DTNB: variants seen among roughly 807,000 people sequenced by gnomAD.
The protein encoded by DTNB is dystrobrevin beta, also known as DTN-B.
In DTNB, 63 loss-of-function variants were observed where a neutral mutation model predicts 90.7. The observed-to-expected ratio is 0.69, with a 90% CI of 0.57 to 0.86. The LOEUF (loss-of-function observed/expected upper bound fraction) is 0.86. Among genes scored for constraint, DTNB ranks in the 40% least tolerant of loss-of-function variants. DTNB has a pLI of 0.00. For synonymous variants in DTNB, 277 were observed against 286.7 expected (o/e 0.97, Z 0.34); for missense variants, 744 against 807.1 (o/e 0.92, Z 0.95).
intron 15 of DTNB, among the ~76,000 whole-genome samples, chr2:25,420,469 T>C (rs1403409348): frequency 2.6e-5 from 1 of 38,954 alleles, no homozygotes; most frequent in African/African-American, 7.9e-5. Flanking sequence ...TCTAAATCAA[T>C]CTATCTATCT....
At chr2:25,459,873 C>T (rs975809625) in intron 10 of DTNB, among the ~76,000 whole-genome samples, 1 of 151,918 alleles carries the variant, frequency 6.6e-6, no homozygotes, top group Non-Finnish European at 1.5e-5. Flanking sequence ...GTTGGGAGGA[C>T]GAGGTGGGAG....
At chr2:25,495,666 T>C (rs983998380) in intron 9 of DTNB, among the ~76,000 whole-genome samples, 56 of 152,314 alleles carry the variant, frequency 3.7e-4, no homozygotes, top group African/African-American at 1.3e-3. Flanking sequence ...CTCTATGTAA[T>C]GGACCAACCA....
At chr2:25,386,811 G>A (rs145593935) in intron 18 of DTNB, among the ~76,000 whole-genome samples, 11 of 152,306 alleles carry the variant, frequency 7.2e-5, no homozygotes, top group South Asian at 6.2e-4. Flanking sequence ...GCCTGGTCAC[G>A]GACAAAAGGA....
chr2:25,482,685 G>C, intron 10 of DTNB, 111 bp downstream of exon 10: 1 of 1,048,348 alleles, frequency 9.5e-7, no homozygotes. Context: ...AAGCAAACCA[G>C]TCCTTTCTGC....
Position 25,580,774 on chromosome 2 carries a change from G to T in DTNB, c.656C>A (p.Pro219His). The T allele has an allele frequency of 6.2e-7, 1 of 1,613,564 alleles. No individual in the cohort carries two copies. The highest frequency in any genetic ancestry group is 8.5e-7 in the Non-Finnish European group (1 of 1,179,594). Residue 219 changes from proline (P) to histidine (H), a missense_variant, in exon 7 of 21, where the codon CCC becomes CAC. Physicochemically the swap from Pro to His is moderately conservative, Grantham distance 77 (BLOSUM62 -2). Transcript: ENST00000406818. ...FLDTMMADPP[P>H]QCLVWLPLMH... ...GAGAGGTAGCCAGACAAGGCACTGGGGAGGAGGGTCAGCCATCATTGTGTC... is the reference window on the plus strand; with the variant it reads ...GAGAGGTAGCCAGACAAGGCACTGGTGAGGAGGGTCAGCCATCATTGTGTC...
At chr2:25,574,363 C>T (rs764457518) in intron 8 of DTNB, among the ~76,000 whole-genome samples, 4 of 152,120 alleles carry the variant, frequency 2.6e-5, no homozygotes, top group Non-Finnish European at 5.9e-5. Context: ...TGGTACCATA[C>T]GGCATTTTCT....
At chr2:25,566,987 C>G (rs558619936) in intron 8 of DTNB, among the ~76,000 whole-genome samples, 3 of 152,188 alleles carry the variant, frequency 2.0e-5, no homozygotes, top group African/African-American at 7.2e-5. Flanking sequence ...AACAAGGACA[C>G]TGACTGATAG....
chr2:25,448,330 G>A (rs1391949359), intron 12 of DTNB, among the ~76,000 whole-genome samples: 2 of 152,216 alleles, frequency 1.3e-5, no homozygotes, highest in African/African-American at 4.8e-5. Context: ...TGAATAAAAT[G>A]AGTGTGTGTG....
intron 1 of DTNB, among the ~76,000 whole-genome samples, chr2:25,660,641 T>TA (rs1158057713): frequency 6.6e-6 from 1 of 152,232 alleles, no homozygotes; most frequent in Non-Finnish European, 1.5e-5. Flanking sequence ...AACCCTAAGG[T>TA]AATCGTTTTC....
At chr2:25,397,877 CAAAAAA>C (rs56318909) in intron 16 of DTNB, among the ~76,000 whole-genome samples, 1 of 73,152 alleles carries the variant, frequency 1.4e-5, no homozygotes, top group African/African-American at 4.9e-5. Context: ...AAGACTGTCT[CAAAAAA>C]AAAAAAAAAA....
chr2:25,489,207 C>T (rs2066850387), intron 9 of DTNB, among the ~76,000 whole-genome samples: 1 of 152,198 alleles, frequency 6.6e-6, no homozygotes, highest in African/African-American at 2.4e-5. Context: ...TACAAAATCT[C>T]TCTTAAGGGT....
intron 1 of DTNB, among the ~76,000 whole-genome samples, chr2:25,669,427 A>T (rs976809952): frequency 2.0e-5 from 3 of 152,220 alleles, no homozygotes; most frequent in Admixed American, 6.5e-5. Context: ...AAACTCTAAG[A>T]ATATATCATT....
intron 2 of DTNB, among the ~76,000 whole-genome samples, chr2:25,642,460 G>A (rs2078542989): frequency 6.6e-6 from 1 of 151,404 alleles, no homozygotes; most frequent in Non-Finnish European, 1.5e-5. Flanking sequence ...TGTTGCCCAA[G>A]CTGGAATGCA....
At chr2:25,458,523 C>G (rs1299894283) in intron 10 of DTNB, among the ~76,000 whole-genome samples, 1 of 152,022 alleles carries the variant, frequency 6.6e-6, no homozygotes, top group East Asian at 1.9e-4. Flanking sequence ...GGCTGGAGTG[C>G]CATGGTGCAA....
At chr2:25,577,050 G>A (rs2060795507) in intron 7 of DTNB, 46 bp from the exon 8 acceptor site, 17 of 1,492,910 alleles carry the variant, frequency 1.1e-5, no homozygotes, top group African/African-American at 1.4e-5. Flanking sequence ...CAGGAGGGAA[G>A]GGATAGAATA....
At chr2:25,527,395 T>C (rs1402763834) in intron 9 of DTNB, among the ~76,000 whole-genome samples, 1 of 152,096 alleles carries the variant, frequency 6.6e-6, no homozygotes, top group African/African-American at 2.4e-5. Flanking sequence ...TGCTAGCGCA[T>C]GCCTGTAGTC....
intron 16 of DTNB, among the ~76,000 whole-genome samples, chr2:25,417,667 C>A (rs1186827899): frequency 6.6e-6 from 1 of 152,082 alleles, no homozygotes; most frequent in Non-Finnish European, 1.5e-5. Context: ...GCTGCAGCTG[C>A]AAAGTGCATC....
chr2:25,634,664 G>A (rs1001366510), intron 3 of DTNB, among the ~76,000 whole-genome samples: 1 of 116,296 alleles, frequency 8.6e-6, no homozygotes, highest in African/African-American at 2.7e-5. Context: ...TGCCGTGTCT[G>A]TGTAGAAAGA....
At chr2:25,597,208 G>A (rs2064830101) in intron 5 of DTNB, among the ~76,000 whole-genome samples, 1 of 151,998 alleles carries the variant, frequency 6.6e-6, no homozygotes, top group Non-Finnish European at 1.5e-5. Context: ...GTGTGCACCT[G>A]TACTCCCAGC....
Sources: gnomAD v4.1 joint callset for allele counts (sites outside exome capture counted in the v4.1 genomes callset) on GRCh38, gnomAD v4.1.1 for gene constraint, MANE v1.5 for transcripts, NCBI Gene and HGNC (gene_info 2026-07-23, HGNC 2026-07-21) for gene names.